FSD1L: variants seen among roughly 807,000 people sequenced by gnomAD.
The protein encoded by FSD1L is fibronectin type III and SPRY domain containing 1 like.
Under a neutral mutation model 71.6 loss-of-function variants are expected in FSD1L, and 45 were observed. The observed-to-expected ratio is 0.63, with a 90% CI of 0.49 to 0.81. The LOEUF is 0.81. Among genes scored for constraint, FSD1L ranks in the 30% least tolerant of loss-of-function variants. FSD1L has a pLI of 0.00. For missense variants in FSD1L, 561 were observed against 618.1 expected, an observed-to-expected ratio of 0.91 and a Z score of 0.98; for synonymous variants, 197 against 207.2, an observed-to-expected ratio of 0.95 and a Z score of 0.42.
intron 7 of FSD1L, among the ~76,000 whole-genome samples, chr9:105,485,044 T>C (rs1328210340): frequency 1.3e-5 from 2 of 152,242 alleles, no homozygotes; most frequent in East Asian, 1.9e-4. Flanking sequence ...AACATTATTT[T>C]ATTAAAGTAT....
At chr9:105,476,144 A>G (rs984089044) in intron 5 of FSD1L, among the ~76,000 whole-genome samples, 23 of 152,208 alleles carry the variant, frequency 1.5e-4, no homozygotes, top group Admixed American at 3.3e-4. Flanking sequence ...ACTTTTTTCT[A>G]TGTGACTGGG....
At chr9:105,471,548 G>T (rs562028008) in intron 4 of FSD1L, among the ~76,000 whole-genome samples, 2 of 152,094 alleles carry the variant, frequency 1.3e-5, no homozygotes, top group African/African-American at 4.8e-5. Flanking sequence ...ATCTTGAATT[G>T]CTAGTTTTTA....
intron 1 of FSD1L, among the ~76,000 whole-genome samples, chr9:105,456,849 TCAC>T (rs1269340998): frequency 1.3e-5 from 2 of 152,244 alleles, no homozygotes; most frequent in Non-Finnish European, 1.5e-5. Context: ...CTTTTAGTTG[TCAC>T]CACATGAATC....
intron 7 of FSD1L, among the ~76,000 whole-genome samples, chr9:105,486,661 C>T (rs1832569702): frequency 6.6e-6 from 1 of 152,136 alleles, no homozygotes; most frequent in South Asian, 2.1e-4. Context: ...AGATGTAGAA[C>T]ATTCCTAATA....
At chr9:105,443,294 A>C (rs1055347198), upstream of FSD1L, among the ~76,000 whole-genome samples, 1 of 152,240 alleles carries the variant, frequency 6.6e-6, no homozygotes, top group Non-Finnish European at 1.5e-5. Context: ...CGAAGGCGAA[A>C]GGCACATCCT....
In FSD1L at chr9:105,526,329, C is replaced by A. The variant is rs113482260; in HGVS notation, c.1026-8164C>A. ...CACAGGTTTTTTCTCCAGCTCCCTA[C>A]CACCATTTACCATCTGATGCCGATC... On this transcript the variant is annotated intron_variant, in intron 10 of 13. Transcript: ENST00000481272. 8 of 1,611,446 alleles carry A rather than the reference C, an allele frequency of 5.0e-6. No homozygotes were observed. The African/African-American group carries it at 9.3e-5, about 19-fold the overall frequency.
At chr9:105,496,930 T>C (rs930198009) in intron 7 of FSD1L, among the ~76,000 whole-genome samples, 1 of 152,246 alleles carries the variant, frequency 6.6e-6, no homozygotes, top group South Asian at 2.1e-4. Flanking sequence ...GGGGGATCCT[T>C]GCCTTGTTCC....
intron 10 of FSD1L, among the ~76,000 whole-genome samples, chr9:105,515,714 A>G (rs977325188): frequency 4.0e-5 from 6 of 150,768 alleles, no homozygotes; most frequent in African/African-American, 1.5e-4. Context: ...TCTGGTGCCT[A>G]CCCCACCAGG....
chr9:105,488,944 A>T (rs1386312662), intron 7 of FSD1L, among the ~76,000 whole-genome samples: 1 of 151,944 alleles, frequency 6.6e-6, no homozygotes, highest in South Asian at 2.1e-4. Context: ...ATATTATACT[A>T]TGAATTACTC....
chr9:105,497,934 C>G (rs1381732989), intron 7 of FSD1L, among the ~76,000 whole-genome samples: 4 of 152,108 alleles, frequency 2.6e-5, no homozygotes, highest in African/African-American at 9.7e-5. Context: ...GCCTTGAACT[C>G]CTGGGCTCAA....
intron 1 of FSD1L, among the ~76,000 whole-genome samples, chr9:105,454,356 T>C (rs113232451): frequency 0.032 from 4,908 of 152,288 alleles, 281 homozygotes; most frequent in African/African-American, 0.11. Context: ...TTTTGTTGTA[T>C]CTTTTTGTTG....
At chr9:105,442,761 A>T in the FSD1L span, among the ~76,000 whole-genome samples, 1 of 152,188 alleles carries the variant, frequency 6.6e-6, no homozygotes, top group Admixed American at 6.5e-5. Flanking sequence ...TGCTCTGCTA[A>T]GCAAATGTCC....
chr9:105,493,925 C>G (rs1226531551), intron 7 of FSD1L, among the ~76,000 whole-genome samples: 1 of 152,170 alleles, frequency 6.6e-6, no homozygotes, highest in African/African-American at 2.4e-5. Context: ...TCTCTGGCTG[C>G]CCTTAACATT....
intron 5 of FSD1L, among the ~76,000 whole-genome samples, chr9:105,475,480 G>A (rs1053778301): frequency 1.3e-5 from 2 of 152,180 alleles, no homozygotes; most frequent in Non-Finnish European, 2.9e-5. Flanking sequence ...GTGGGTAGAA[G>A]CTCACTCAGT....
intron 7 of FSD1L, among the ~76,000 whole-genome samples, chr9:105,493,900 A>G (rs928495144): frequency 1.1e-3 from 171 of 152,218 alleles, no homozygotes; most frequent in African/African-American, 3.9e-3. Context: ...CCCTTTGTGG[A>G]TAACCCGACC....
Position 105,477,838 on chromosome 9 carries a change from G to A in FSD1L, c.442-1516G>A, listed in dbSNP as rs566072955. On this transcript the variant is annotated intron_variant, in intron 5 of 13. Transcript: ENST00000481272. ...TGTGTAGCACGTGGGAATGATTTTC[G>A]GAAACATTAAGAAACAAAATTCCTT... Among the ~76,000 whole-genome samples the A allele has an allele frequency of 7.9e-5, 12 of 152,180 alleles. No individual in the cohort carries two copies. The South Asian group carries it at 1.5e-3, about 18-fold the overall frequency.
At chr9:105,444,132 T>C (rs184543679), upstream of FSD1L, among the ~76,000 whole-genome samples, 59 of 152,246 alleles carry the variant, frequency 3.9e-4, no homozygotes, top group Middle Eastern at 0.014. Context: ...ATAGGTCTTT[T>C]AAGGCCCCAA....
intron 13 of FSD1L, among the ~76,000 whole-genome samples, chr9:105,545,960 G>A (rs531165202): frequency 2.0e-4 from 31 of 152,162 alleles, no homozygotes; most frequent in African/African-American, 7.5e-4. Context: ...TATAGTCTCA[G>A]GCCATATCTC....
intron 1 of FSD1L, among the ~76,000 whole-genome samples, chr9:105,459,615 G>A: frequency 6.6e-6 from 1 of 152,230 alleles, no homozygotes; most frequent in East Asian, 1.9e-4. Flanking sequence ...GCTTAGAAAA[G>A]CTTAGCAGAG....
Sources: gnomAD v4.1 joint callset for allele counts (sites outside exome capture counted in the v4.1 genomes callset) on GRCh38, gnomAD v4.1.1 for gene constraint, MANE v1.5 for transcripts, NCBI Gene and HGNC (gene_info 2026-07-23, HGNC 2026-07-21) for gene names.